SEC23A: variants seen among roughly 807,000 people sequenced by gnomAD.
SEC23A encodes protein transport protein Sec23A.
Under a neutral mutation model 103.7 loss-of-function variants are expected in SEC23A, and 56 were observed. The observed-to-expected ratio is 0.54, with a 90% confidence interval of 0.44 to 0.67. The LOEUF is 0.67. Among genes scored for constraint, SEC23A ranks in the 30% least tolerant of loss-of-function variants. The probability of loss-of-function intolerance (pLI) is 0.00; values close to 1 mark genes in which losing one functional copy is unlikely to be tolerated. For missense variants in SEC23A, 784 were observed against 936.4 expected, an observed-to-expected ratio of 0.84 and a Z score of 2.12; for synonymous variants, 281 against 293.0, an observed-to-expected ratio of 0.96 and a Z score of 0.42.
At chr14:39,094,193 TATACATATATATATATGCATATATACAC>T (rs1555331019) in intron 2 of SEC23A, among the ~76,000 whole-genome samples, 2 of 138,642 alleles carry the variant, frequency 1.4e-5, no homozygotes, top group South Asian at 2.2e-4. Flanking sequence ...AGCATATACA[TATACATATATATATATGCATATATACAC>T]ATACATATAT....
chr14:39,037,116 C>G (rs1245300697), intron 19 of SEC23A, among the ~76,000 whole-genome samples: 1 of 152,110 alleles, frequency 6.6e-6, no homozygotes. Context: ...TTTGTCTCAT[C>G]TCTCCTTTAC....
In SEC23A at chr14:39,061,729, G is replaced by A. The variant is rs144527172; in HGVS notation, c.1505+36C>T. 146 of 1,419,724 alleles carry A rather than the reference G, an allele frequency of 1.0e-4. 1 individual carries two copies. Among genetic ancestry groups the A allele is most frequent in the Non-Finnish European group, 1.4e-4 (138 of 1,002,974 alleles). 87.9% of individuals were successfully genotyped at this position (1,419,724 alleles called of 1,614,324 possible). A position where few individuals can be genotyped will look rare whatever the true frequency, so the allele number is the denominator to read the frequency against. On this transcript the variant is annotated intron_variant, in intron 13 of 19. Transcript: ENST00000307712. ...TTGGAAACACAACCCAGATACCTGT[G>A]ATATGAAAATCAAATCTCTAACAAA...
chr14:39,069,461 T>A (rs981395250), intron 9 of SEC23A, among the ~76,000 whole-genome samples: 1 of 151,844 alleles, frequency 6.6e-6, no homozygotes. Context: ...ACATTCTCTT[T>A]ATTATTATTA....
At chr14:39,065,997 CAA>C (rs59260008) in intron 10 of SEC23A, among the ~76,000 whole-genome samples, 1 of 80,556 alleles carries the variant, frequency 1.2e-5, no homozygotes, top group Non-Finnish European at 2.3e-5. Context: ...AACTCCATCT[CAA>C]AAAAAAAAAA....
rs1888176136 is a variant in SEC23A at position 39,103,068 on chromosome 14, TC to T, written c.-59del. 1 of 152,264 alleles carries T rather than the reference TC, an allele frequency of 6.6e-6. No individual in the cohort carries two copies. The highest frequency in any genetic ancestry group is 2.4e-5 in the African/African-American group (1 of 41,306). 9.4% of individuals were successfully genotyped at this position (152,264 alleles called of 1,614,324 possible). On this transcript the variant is annotated 5_prime_UTR_variant, in exon 1 of 20. Coordinates refer to ENST00000307712, the MANE Select transcript of SEC23A (RefSeq NM_006364.4). ...CAGGAGCGGAGACGAGGCGGCCCTT[TC>T]CTCACTGTCCCCCTGCAGGACCCGT... is the stretch of plus-strand genomic sequence containing the variant.
chr14:39,045,294 G>T lies in SEC23A; in HGVS notation c.1768C>A (p.Leu590Met). 1 of 1,610,196 alleles carries T rather than the reference G, an allele frequency of 6.2e-7. No homozygotes were observed. Among genetic ancestry groups the T allele is most frequent in the Non-Finnish European group, 8.5e-7 (1 of 1,176,830 alleles). The change falls in exon 16 of 20, where the codon CTG becomes ATG. Residue 590 changes from leucine to methionine, a missense_variant. Leu to Met is a conservative substitution (Grantham distance 15). This residue lies in a region of SEC23A where 683 missense variants were observed against 774.2 expected (regional missense o/e 0.88). Coordinates refer to ENST00000307712, the MANE Select transcript of SEC23A (RefSeq NM_006364.4). ...FMFHLRRSSF[L>M]QVFNNSPDES... ...TCAGGACTATTGTTAAAAACTTGCA[G>T]GAAAGAAGATCTTCTTAAATGAAAC...
chr14:39,032,520 C>A lies in SEC23A; in HGVS notation c.*719G>T, dbSNP rs1885336256. On this transcript the variant is annotated 3_prime_UTR_variant, in exon 20 of 20. Transcript: ENST00000307712. The stretch of plus-strand genomic sequence containing the variant: ...TTACTAAAATGCACTCCAACAAAAC[C>A]ATTTATTTTCTATCTCCCCTTTTAA... The A allele has an allele frequency of 6.6e-6, 1 of 152,434 alleles. No individual in the cohort carries two copies. The allele number at this position is 152,434 out of a possible 1,614,324, so 9.4% of individuals were successfully genotyped here.
chr14:39,067,425 T>C, intron 9 of SEC23A, 129 bp from the exon 10 acceptor site: 2 of 926,560 alleles, frequency 2.2e-6, no homozygotes, highest in East Asian at 2.7e-5. Context: ...ATGTGCTGTA[T>C]TACTAATTTT....
intron 15 of SEC23A, among the ~76,000 whole-genome samples, chr14:39,048,317 T>C (rs1191953365): frequency 6.6e-6 from 1 of 152,156 alleles, no homozygotes; most frequent in African/African-American, 2.4e-5. Context: ...TCAATGCTAC[T>C]GGCCACACAA....
chr14:39,052,745 G>A (rs1189108965), intron 14 of SEC23A, among the ~76,000 whole-genome samples: 1 of 152,206 alleles, frequency 6.6e-6, no homozygotes, highest in Non-Finnish European at 1.5e-5. Context: ...CTATTTCAGA[G>A]TACAACTTAT....
At chr14:39,082,587 G>A (rs1225478615) in intron 7 of SEC23A, among the ~76,000 whole-genome samples, 1 of 152,098 alleles carries the variant, frequency 6.6e-6, no homozygotes, top group Non-Finnish European at 1.5e-5. Context: ...AAATCAACAT[G>A]GGGGTTCCTA....
chr14:39,058,969 G>A (rs1886354721), intron 13 of SEC23A, among the ~76,000 whole-genome samples: 1 of 152,076 alleles, frequency 6.6e-6, no homozygotes. Context: ...TAATGGTGCA[G>A]GAGAGGAAAT....
chr14:39,040,676 C>T, intron 18 of SEC23A, 56 bp downstream of exon 18: 1 of 1,599,910 alleles, frequency 6.3e-7, no homozygotes, highest in Non-Finnish European at 8.6e-7. Context: ...CAAGCAGGTA[C>T]ACCTCACTGC....
chr14:39,101,517 C>T (rs1356239386), intron 1 of SEC23A, among the ~76,000 whole-genome samples: 1 of 151,544 alleles, frequency 6.6e-6, no homozygotes, highest in Non-Finnish European at 1.5e-5. Context: ...ACTCAGGCGG[C>T]TGAGACAGGA....
chr14:39,042,761 G>A, intron 17 of SEC23A, 25 bp downstream of exon 17: 1 of 1,452,178 alleles, frequency 6.9e-7, no homozygotes, highest in Non-Finnish European at 9.7e-7. Context: ...TACATGCATA[G>A]CTTTAAATGC....
At chr14:39,036,225 G>C (rs1179060491) in intron 19 of SEC23A, among the ~76,000 whole-genome samples, 1 of 150,724 alleles carries the variant, frequency 6.6e-6, no homozygotes, top group Non-Finnish European at 1.5e-5. Flanking sequence ...AGGAGGCTGA[G>C]GCAGGAGAAT....
At chr14:39,043,144 T>A (rs1472273754) in intron 16 of SEC23A, among the ~76,000 whole-genome samples, 1 of 152,026 alleles carries the variant, frequency 6.6e-6, no homozygotes, top group Non-Finnish European at 1.5e-5. Flanking sequence ...GTCCAGCTAG[T>A]TTTTTCATTT....
chr14:39,099,381 A>G (rs763870473), intron 1 of SEC23A, among the ~76,000 whole-genome samples: 8 of 151,816 alleles, frequency 5.3e-5, no homozygotes, highest in Non-Finnish European at 8.8e-5. Context: ...GATGATCTCA[A>G]TTGTCTGACC....
chr14:39,101,050 G>A (rs990732766), intron 1 of SEC23A, among the ~76,000 whole-genome samples: 22 of 151,770 alleles, frequency 1.4e-4, no homozygotes, highest in Non-Finnish European at 8.8e-5. Flanking sequence ...CACCACGTTG[G>A]CCAGGCTGGT....
Sources: gnomAD v4.1 joint callset for allele counts (sites outside exome capture counted in the v4.1 genomes callset) on GRCh38, gnomAD v4.1.1 for gene constraint, gnomAD v4.1.1 regional missense constraint, MANE v1.5 for transcripts, NCBI Gene and HGNC (gene_info 2026-07-23, HGNC 2026-07-21) for gene names.